Variants in ROBO2 observed in about 807,000 individuals in gnomAD.
ROBO2 encodes roundabout homolog 2.
Under a neutral mutation model 160.8 loss-of-function variants are expected in ROBO2, and 53 were observed. The observed-to-expected ratio is 0.33, with a 90% CI of 0.26 to 0.41. The LOEUF is 0.41. Among genes scored for constraint, ROBO2 ranks in the 10% least tolerant of loss-of-function variants. The pLI is 1.00. For missense variants in ROBO2, 1,577 were observed against 1,722.4 expected, an observed-to-expected ratio of 0.92 and a Z score of 1.49; for synonymous variants, 664 against 611.7, an observed-to-expected ratio of 1.09 and a Z score of -1.26.
At chr3:76,574,916 CT>C (rs2085193110) in intron 2 of ROBO2, among the ~76,000 whole-genome samples, 1 of 152,062 alleles carries the variant, frequency 6.6e-6, no homozygotes, top group Non-Finnish European at 1.5e-5. Context: ...ACTGTCCTTC[CT>C]CTTTGAATGT....
At chr3:76,239,991 C>T (rs970987627) in intron 2 of ROBO2, among the ~76,000 whole-genome samples, 4 of 152,054 alleles carry the variant, frequency 2.6e-5, no homozygotes, top group South Asian at 2.1e-4. Context: ...ACATGGTACA[C>T]GATGAGAAAA....
At chr3:76,952,086 A>T (rs955177806) in intron 2 of ROBO2, among the ~76,000 whole-genome samples, 15 of 152,182 alleles carry the variant, frequency 9.9e-5, no homozygotes, top group Non-Finnish European at 1.9e-4. Context: ...AGTCAGTAGC[A>T]TGTGAGACTG....
chr3:76,580,164 A>C (rs2085567701), intron 2 of ROBO2, among the ~76,000 whole-genome samples: 1 of 151,988 alleles, frequency 6.6e-6, no homozygotes, highest in Non-Finnish European at 1.5e-5. Flanking sequence ...GTAGTATTTG[A>C]GTTTGGTTTT....
chr3:76,457,959 C>T (rs533085680), intron 2 of ROBO2, among the ~76,000 whole-genome samples: 17 of 152,066 alleles, frequency 1.1e-4, no homozygotes, highest in Non-Finnish European at 1.9e-4. Flanking sequence ...ACCTGGCCCA[C>T]GAAATCACTT....
At chr3:76,340,571 T>G (rs914080470) in intron 2 of ROBO2, among the ~76,000 whole-genome samples, 1 of 152,188 alleles carries the variant, frequency 6.6e-6, no homozygotes, top group Admixed American at 6.6e-5. Context: ...TATCTCAACA[T>G]TTTATAAGCA....
chr3:77,094,570 G>A (rs1164037162), intron 1 of ROBO2, among the ~76,000 whole-genome samples: 1 of 152,112 alleles, frequency 6.6e-6, no homozygotes, highest in Non-Finnish European at 1.5e-5. Context: ...TTGCTGGGTC[G>A]TATGGCAACT....
At chr3:76,740,894 G>A (rs182711968) in intron 2 of ROBO2, among the ~76,000 whole-genome samples, 39 of 152,026 alleles carry the variant, frequency 2.6e-4, no homozygotes, top group Admixed American at 5.2e-4. Flanking sequence ...TAGTTATTCT[G>A]TTTTGGGTGT....
At chr3:76,763,702 T>G (rs887753602) in intron 2 of ROBO2, among the ~76,000 whole-genome samples, 4 of 151,710 alleles carry the variant, frequency 2.6e-5, no homozygotes, top group Non-Finnish European at 4.4e-5. Context: ...ATTCATAATT[T>G]GTTGATTTTA....
chr3:76,709,292 C>T lies in ROBO2; in HGVS notation c.110-388722C>T, dbSNP rs77185121. ...GCGGCTATTGGCATTGGTTCAGCAG[C>T]TCAACAATGTCAGATTTAGTATCTC... On this transcript the variant is annotated intron_variant, in intron 2 of 26. Transcript: ENST00000487694. Among the ~76,000 whole-genome samples, 236 of 152,314 alleles carry T rather than the reference C, an allele frequency of 1.5e-3. 1 individual carries two copies. The highest frequency in any genetic ancestry group is 5.0e-3 in the African/African-American group (209 of 41,566).
chr3:77,636,469 G>C (rs2095265829), intron 24 of ROBO2, among the ~76,000 whole-genome samples: 1 of 152,084 alleles, frequency 6.6e-6, no homozygotes. Context: ...GCACGTGCCT[G>C]TAATCCCAGC....
rs1159895165 is a variant in ROBO2, at chr3:76,298,014, G to A, written c.109+360412G>A. On this transcript the variant is annotated intron_variant, in intron 2 of 26. Transcript: ENST00000487694. The stretch of plus-strand genomic sequence containing the variant: ...GCTGAGCCCAGGTGGATGCCATCGG[G>A]AGCTGGACTTAGAGATCCCTAGGAA... 5.3e-5 allele frequency among the ~76,000 whole-genome samples: 8 copies of A among 152,122 alleles called. No homozygotes were observed. The East Asian group carries it at 1.2e-3, about 22-fold the overall frequency.
chr3:76,746,311 T>C (rs532780049), intron 2 of ROBO2, among the ~76,000 whole-genome samples: 120 of 152,012 alleles, frequency 7.9e-4, no homozygotes, highest in Non-Finnish European at 1.6e-3. Flanking sequence ...CGTGTGTCTT[T>C]ATAGCAGCAT....
intron 2 of ROBO2, among the ~76,000 whole-genome samples, chr3:76,651,163 A>T (rs1020830348): frequency 6.6e-6 from 1 of 152,080 alleles, no homozygotes; most frequent in African/African-American, 2.4e-5. Context: ...GGCACTCAAA[A>T]CCTCAGGGGT....
In ROBO2 at chr3:76,773,288, G is replaced by GT. The variant is rs62975761; in HGVS notation, c.110-324718dup. On this transcript the variant is annotated intron_variant, in intron 2 of 26. Transcript: ENST00000487694. ...ATTAATAAACTGTTATATTTATTCTGTTTTTTTTAATGAGAAATTAAATTG... is the reference window on the plus strand; with the variant it reads ...ATTAATAAACTGTTATATTTATTCTGTTTTTTTTTAATGAGAAATTAAATTG... Among the ~76,000 whole-genome samples the GT allele has an allele frequency of 1.3e-3, 202 of 149,934 alleles. 1 individual carries two copies. The highest frequency in any genetic ancestry group is 3.6e-3 in the African/African-American group (149 of 41,036).
intron 2 of ROBO2, among the ~76,000 whole-genome samples, chr3:76,599,493 A>G (rs191050013): frequency 6.6e-6 from 1 of 152,168 alleles, no homozygotes; most frequent in South Asian, 2.1e-4. Flanking sequence ...TATTGTGAAT[A>G]GTGCTGCAAT....
chr3:77,043,958 A>G (rs2064359977), intron 1 of ROBO2, among the ~76,000 whole-genome samples: 1 of 152,160 alleles, frequency 6.6e-6, no homozygotes, highest in Non-Finnish European at 1.5e-5. Flanking sequence ...ATGTTGCTAA[A>G]GTGCTCTTTT....
At chr3:77,394,355 A>T (rs1011098663) in intron 2 of ROBO2, among the ~76,000 whole-genome samples, 1 of 152,134 alleles carries the variant, frequency 6.6e-6, no homozygotes, top group African/African-American at 2.4e-5. Context: ...CTATTCTTGA[A>T]GTGAAAAGAA....
intron 2 of ROBO2, among the ~76,000 whole-genome samples, chr3:76,437,996 G>A (rs1233859137): frequency 1.3e-5 from 2 of 152,098 alleles, no homozygotes; most frequent in African/African-American, 4.8e-5. Flanking sequence ...TTCTCTCAAC[G>A]ATGTAAGACC....
chr3:76,815,424 G>C (rs1146010), intron 2 of ROBO2, among the ~76,000 whole-genome samples: 18,559 of 149,214 alleles, frequency 0.12, 1,207 homozygotes, highest in South Asian at 0.17. Flanking sequence ...TCAACAGCAA[G>C]AAACACTGTC....
Sources: gnomAD v4.1 joint callset for allele counts (sites outside exome capture counted in the v4.1 genomes callset) on GRCh38, gnomAD v4.1.1 for gene constraint, MANE v1.5 for transcripts, NCBI Gene and HGNC (gene_info 2026-07-23, HGNC 2026-07-21) for gene names.